The following ARMH3 variants were observed in gnomAD, a reference collection of about 807,000 sequenced individuals.
The protein encoded by ARMH3 is armadillo-like helical domain-containing protein 3.
A neutral mutation model predicts 99.1 loss-of-function variants in ARMH3; 60 were observed. The ratio of observed to expected loss-of-function variants is 0.61; its 90% CI spans 0.49 to 0.75. ARMH3 has a LOEUF of 0.75. Ranked by LOEUF, ARMH3 falls within the 30% of genes least tolerant of loss-of-function variation. ARMH3 has a pLI of 0.00. For missense variants in ARMH3, 679 were observed against 843.1 expected (o/e 0.81, Z 2.41); for synonymous variants, 285 against 292.8 (o/e 0.97, Z 0.27).
chr10:101,998,181 T>C (rs1489319688), intron 15 of ARMH3, among the ~76,000 whole-genome samples: 1 of 152,238 alleles, frequency 6.6e-6, no homozygotes, highest in Non-Finnish European at 1.5e-5. Context: ...CTCAGTTCAC[T>C]GTGTTATATC....
At chr10:102,005,034 C>T (rs2066451368) in intron 14 of ARMH3, among the ~76,000 whole-genome samples, 1 of 151,994 alleles carries the variant, frequency 6.6e-6, no homozygotes, top group African/African-American at 2.4e-5. Flanking sequence ...GAAACCCCAT[C>T]TCTACTAAAA....
At chr10:101,929,944 A>C (rs966884258) in intron 23 of ARMH3, among the ~76,000 whole-genome samples, 3 of 152,158 alleles carry the variant, frequency 2.0e-5, no homozygotes, top group African/African-American at 4.8e-5. Flanking sequence ...CCAGTTGAGC[A>C]TCCCTAATCC....
intron 11 of ARMH3, among the ~76,000 whole-genome samples, chr10:102,011,182 A>C (rs1185422800): frequency 6.6e-6 from 1 of 152,102 alleles, no homozygotes; most frequent in East Asian, 1.9e-4. Flanking sequence ...CCTAAAATTC[A>C]GACCTCTAAG....
chr10:101,994,931 G>C (rs1408603187), intron 16 of ARMH3, among the ~76,000 whole-genome samples: 1 of 152,174 alleles, frequency 6.6e-6, no homozygotes, highest in Non-Finnish European at 1.5e-5. Flanking sequence ...AGCTACTAGA[G>C]GGGCCGAGGC....
At chr10:102,020,224 A>G (rs1336085030) in intron 8 of ARMH3, among the ~76,000 whole-genome samples, 1 of 151,860 alleles carries the variant, frequency 6.6e-6, no homozygotes, top group East Asian at 1.9e-4. Context: ...ACGTAGCCTA[A>G]GTATACAATG....
chr10:102,018,078 C>A (rs560398890), intron 8 of ARMH3, among the ~76,000 whole-genome samples: 2 of 152,290 alleles, frequency 1.3e-5, no homozygotes, highest in African/African-American at 4.8e-5. Flanking sequence ...AGTCAGGTTG[C>A]CTCAGTGCAG....
chr10:102,023,063 T>G (rs891046506), intron 8 of ARMH3, among the ~76,000 whole-genome samples: 4 of 151,948 alleles, frequency 2.6e-5, no homozygotes, highest in Admixed American at 2.0e-4. Flanking sequence ...GCCGCATGCC[T>G]GTAATCCCAA....
intron 9 of ARMH3, among the ~76,000 whole-genome samples, chr10:102,013,410 C>T (rs939771499): frequency 1.5e-4 from 23 of 152,124 alleles, no homozygotes; most frequent in Admixed American, 9.2e-4. Flanking sequence ...GCATGAATCA[C>T]GTGTGCATTT....
At chr10:101,912,503 G>A (rs570196182) in intron 23 of ARMH3, among the ~76,000 whole-genome samples, 41 of 151,820 alleles carry the variant, frequency 2.7e-4, no homozygotes, top group African/African-American at 9.2e-4. Context: ...TACCATTTCT[G>A]ATTGATTTTT....
chr10:102,017,147 C>T (rs532460745), intron 8 of ARMH3, among the ~76,000 whole-genome samples: 1 of 152,298 alleles, frequency 6.6e-6, no homozygotes, highest in Admixed American at 6.5e-5. Context: ...AGCACACTGC[C>T]TCATGCTAGT....
intron 23 of ARMH3, among the ~76,000 whole-genome samples, chr10:101,937,300 T>A (rs1465561600): frequency 2.6e-5 from 4 of 152,052 alleles, no homozygotes. Context: ...GGTGGATCAT[T>A]TGAGCTCAGG....
chr10:102,028,414 C>T (rs535925333), intron 5 of ARMH3, among the ~76,000 whole-genome samples: 9 of 152,246 alleles, frequency 5.9e-5, no homozygotes, highest in Admixed American at 4.6e-4. Context: ...TACGAGCATA[C>T]ATCCATACAG....
chr10:101,958,911 G>A (rs1430289282), intron 20 of ARMH3, among the ~76,000 whole-genome samples: 1 of 152,128 alleles, frequency 6.6e-6, no homozygotes, highest in African/African-American at 2.4e-5. Context: ...GTACAGTAAA[G>A]AAACAGCAGG....
chr10:101,875,047 C>G (rs1482749740), intron 24 of ARMH3, among the ~76,000 whole-genome samples: 1 of 152,178 alleles, frequency 6.6e-6, no homozygotes, highest in Non-Finnish European at 1.5e-5. Flanking sequence ...GTACATACTT[C>G]TGTACTTCTG....
chr10:102,037,213 GCT>G (rs1011001211), intron 2 of ARMH3, among the ~76,000 whole-genome samples: 2 of 106,496 alleles, frequency 1.9e-5, no homozygotes, highest in African/African-American at 7.3e-5. Context: ...ATGGATTCTT[GCT>G]CTGTCACCCA....
intron 25 of ARMH3, among the ~76,000 whole-genome samples, 184 bp from the exon 26 acceptor site, chr10:101,847,804 G>C (rs1241169685): frequency 6.6e-6 from 1 of 152,218 alleles, no homozygotes; most frequent in African/African-American, 2.4e-5. Context: ...TTGACAGCAG[G>C]GAAGGAGAGA....
In ARMH3 at chr10:102,019,953, A is replaced by G; in HGVS notation, c.669+3524T>C. The stretch of plus-strand genomic sequence containing the variant: ...AAAAAAAAAAAAAAAAGCTTATAGA[A>G]TAAAGATATATTCTTTTTATTCTTT... On this transcript the variant is annotated intron_variant, in intron 8 of 25. Coordinates refer to ENST00000370033, the MANE Select transcript of ARMH3 (RefSeq NM_024541.3). Among the ~76,000 whole-genome samples the G allele has an allele frequency of 1.3e-5, 2 of 151,450 alleles. 1 individual carries two copies. Among genetic ancestry groups the G allele is most frequent in the Non-Finnish European group, 2.9e-5 (2 of 67,862 alleles).
Position 102,006,665 on chromosome 10 carries a change from A to T in ARMH3, c.955-32T>A. 2.5e-6 allele frequency: 4 copies of T among 1,589,566 alleles called. No homozygotes were observed. In the Middle Eastern group the frequency reaches 6.7e-4, roughly 265 times the overall value. ...AAGATACACAGATGTGTAAGAAAAC[A>T]GAAAATCCAGTTCTCCCTGAGTATC... On this transcript the variant is annotated intron_variant, in intron 13 of 25. Coordinates refer to ENST00000370033, the MANE Select transcript of ARMH3 (RefSeq NM_024541.3).
At chr10:101,933,099 T>C (rs1843791968) in intron 23 of ARMH3, among the ~76,000 whole-genome samples, 1 of 152,064 alleles carries the variant, frequency 6.6e-6, no homozygotes, top group African/African-American at 2.4e-5. Flanking sequence ...GGCAGGAGAA[T>C]GGCGTGAACC....
Sources: gnomAD v4.1 joint callset for allele counts (sites outside exome capture counted in the v4.1 genomes callset) on GRCh38, gnomAD v4.1.1 for gene constraint, MANE v1.5 for transcripts, NCBI Gene and HGNC (gene_info 2026-07-23, HGNC 2026-07-21) for gene names.